MAGI3: variants seen among roughly 807,000 people sequenced by gnomAD.
MAGI3 encodes the protein membrane associated guanylate kinase, WW and PDZ domain containing 3.
A neutral mutation model predicts 121.8 loss-of-function variants in MAGI3; 43 were observed. The observed-to-expected ratio is 0.35, with a 90% CI of 0.28 to 0.46. MAGI3 has a LOEUF of 0.46. MAGI3 is among the 20% of genes least tolerant of loss of function. The pLI is 1.00. For missense variants in MAGI3, 1,547 were observed against 1,797.3 expected, an observed-to-expected ratio of 0.86 and a Z score of 2.52; for synonymous variants, 553 against 639.3, an observed-to-expected ratio of 0.86 and a Z score of 2.04.
intron 1 of MAGI3, among the ~76,000 whole-genome samples, chr1:113,401,301 G>C (rs372414350): frequency 6.6e-6 from 1 of 152,038 alleles, no homozygotes; most frequent in Non-Finnish European, 1.5e-5. Context: ...AATTGTTTGC[G>C]TGGGTGTTAA....
chr1:113,538,380 G>T (rs10858001), intron 1 of MAGI3, among the ~76,000 whole-genome samples: 1 of 151,950 alleles, frequency 6.6e-6, no homozygotes, highest in Non-Finnish European at 1.5e-5. Flanking sequence ...GGTTTTGTAC[G>T]CTCCTGTCAA....
chr1:113,488,929 C>T (rs927201330), intron 1 of MAGI3, among the ~76,000 whole-genome samples: 9 of 152,080 alleles, frequency 5.9e-5, no homozygotes, highest in Admixed American at 2.6e-4. Flanking sequence ...CATGACTGTG[C>T]GCACAGTCAC....
chr1:113,408,341 T>A (rs980289805), intron 1 of MAGI3, among the ~76,000 whole-genome samples: 2 of 152,170 alleles, frequency 1.3e-5, no homozygotes, highest in Non-Finnish European at 2.9e-5. Context: ...ATTGAATCAA[T>A]AGCTAGTAGT....
At chr1:113,650,310 G>A (rs900995374) in intron 13 of MAGI3, among the ~76,000 whole-genome samples, 2 of 151,714 alleles carry the variant, frequency 1.3e-5, no homozygotes, top group African/African-American at 4.8e-5. Context: ...CTATTTTGTT[G>A]ATACTCATAA....
In MAGI3 at chr1:113,560,430, CAAAA is replaced by C. The variant is rs960431533; in HGVS notation, c.433+10803_433+10806del. Among the ~76,000 whole-genome samples, 15 of 150,608 alleles carry C rather than the reference CAAAA, an allele frequency of 1.0e-4. 1 individual carries two copies. Among genetic ancestry groups the C allele is most frequent in the East Asian group, 1.9e-4 (1 of 5,134 alleles). ...AAAAAAAACCAAAAAAACAATAAAA[CAAAA>C]AAAGAAAAAAGGAAAGAAAGAAAGA... On this transcript the variant is annotated intron_variant, in intron 2 of 20. Transcript: ENST00000307546.
At chr1:113,603,924 A>C (rs955862043) in intron 6 of MAGI3, among the ~76,000 whole-genome samples, 11 of 152,194 alleles carry the variant, frequency 7.2e-5, no homozygotes, top group Admixed American at 6.5e-4. Flanking sequence ...GGGATGCGTA[A>C]ATTAAAACCA....
rs768575079 is a variant in MAGI3 at position 113,602,980 on chromosome 1, A to G, written c.1018+8420A>G. Among the ~76,000 whole-genome samples, 12 of 152,138 alleles carry G rather than the reference A, an allele frequency of 7.9e-5. No individual in the cohort carries two copies. The East Asian group carries it at 1.2e-3, about 15-fold the overall frequency. On this transcript the variant is annotated intron_variant, in intron 6 of 20. Coordinates refer to ENST00000307546, the MANE Select transcript of MAGI3 (RefSeq NM_001142782.2). ...TGTGTATGTATACACATATATATAT[A>G]TGTGTATACATACACAGAAGATCAA...
At chr1:113,619,687 G>A in intron 7 of MAGI3, 49 bp from the exon 8 acceptor site, 3 of 1,223,670 alleles carry the variant, frequency 2.5e-6, no homozygotes, top group Non-Finnish European at 3.6e-6. Context: ...TTAAGAATAT[G>A]TTACTGTTTT....
chr1:113,427,812 CT>C (rs200101055), intron 1 of MAGI3, among the ~76,000 whole-genome samples: 2 of 150,762 alleles, frequency 1.3e-5, no homozygotes, highest in Non-Finnish European at 3.0e-5. Flanking sequence ...CCAACGCTGC[CT>C]TTTTTTTTGA....
intron 19 of MAGI3, 43 bp downstream of exon 19, chr1:113,673,508 C>G: frequency 6.4e-7 from 1 of 1,573,778 alleles, no homozygotes; most frequent in Non-Finnish European, 8.6e-7. Flanking sequence ...AGGCTCTAGA[C>G]TAGAAACTTC....
In MAGI3 at chr1:113,653,851, G is replaced by C. The variant is rs1653317942; in HGVS notation, c.2462G>C (p.Ser821Thr). ...ACAGAAAAACAACCCGAGGACGACA[G>C]CTCTCAGGCCTTCATTTCAACACAG... ...FYGEKQPEDDSSQAFISTQNG... is the reference protein window; with the variant it reads ...FYGEKQPEDDTSQAFISTQNG... The change falls in exon 15 of 21, where the codon AGC (serine) becomes ACC (threonine). Residue 821 changes from serine (S) to threonine (T), a missense_variant. By Grantham distance (58) the Ser-to-Thr change is moderately conservative (BLOSUM62 1). Transcript: ENST00000307546. The C allele has an allele frequency of 1.2e-6, 2 of 1,607,448 alleles. No individual in the cohort carries two copies. Among genetic ancestry groups the C allele is most frequent in the Middle Eastern group, 1.7e-4 (1 of 6,014 alleles).
intron 1 of MAGI3, among the ~76,000 whole-genome samples, chr1:113,416,163 AT>A (rs1387627697): frequency 2.3e-3 from 149 of 64,628 alleles, no homozygotes; most frequent in African/African-American, 9.6e-3. Context: ...GACACATATT[AT>A]TATGTAATTA....
At chr1:113,609,849 A>T (rs1650011191) in intron 6 of MAGI3, among the ~76,000 whole-genome samples, 1 of 152,202 alleles carries the variant, frequency 6.6e-6, no homozygotes, top group African/African-American at 2.4e-5. Flanking sequence ...TACACAGGAA[A>T]AGATGGTTAG....
intron 1 of MAGI3, among the ~76,000 whole-genome samples, chr1:113,396,435 GTAGA>G (rs1329884817): frequency 6.6e-6 from 1 of 151,900 alleles, no homozygotes; most frequent in Non-Finnish European, 1.5e-5. Flanking sequence ...CTACATTTTG[GTAGA>G]TAGAGTGAAT....
intron 1 of MAGI3, chr1:113,449,685 G>GAGTC: frequency 2.5e-6 from 2 of 789,510 alleles, no homozygotes; most frequent in South Asian, 2.7e-5. Flanking sequence ...TGGAAGAGGC[G>GAGTC]AGTCTGGTCT....
chr1:113,416,025 A>AATTACATATATTAATT (rs1277579583), intron 1 of MAGI3, among the ~76,000 whole-genome samples: 4 of 149,708 alleles, frequency 2.7e-5, no homozygotes, highest in African/African-American at 9.8e-5. Flanking sequence ...TTATGTAATT[A>AATTACATATATTAATT]ATGACACATA....
chr1:113,643,649 A>G (rs1652672226), intron 10 of MAGI3, 94 bp from the exon 11 acceptor site: 3 of 1,174,888 alleles, frequency 2.6e-6, no homozygotes, highest in Non-Finnish European at 2.6e-6. Flanking sequence ...TAGCGTACTA[A>G]AAGTTGAAGC....
At chr1:113,452,444 G>T (rs1654528466) in intron 1 of MAGI3, among the ~76,000 whole-genome samples, 1 of 119,284 alleles carries the variant, frequency 8.4e-6, no homozygotes, top group African/African-American at 2.6e-5. Flanking sequence ...ATTAACTTAT[G>T]TGCATAGACA....
intron 1 of MAGI3, among the ~76,000 whole-genome samples, chr1:113,425,445 G>A (rs1458813844): frequency 3.3e-5 from 5 of 151,420 alleles, no homozygotes; most frequent in Admixed American, 6.6e-5. Context: ...ACCACGCCCG[G>A]CTAATTTTTT....
Sources: allele counts gnomAD v4.1 joint callset (sites outside exome capture counted in the v4.1 genomes callset), GRCh38; gene constraint gnomAD v4.1.1; transcripts MANE v1.5; gene names NCBI Gene and HGNC (gene_info 2026-07-23, HGNC 2026-07-21).